The following PRDM5 variants were observed in gnomAD, a reference collection of about 807,000 sequenced individuals.
The protein encoded by PRDM5 is PR domain zinc finger protein 5.
In PRDM5, 56 loss-of-function variants were observed where a neutral mutation model predicts 81.2. The observed-to-expected ratio is 0.69, with a 90% CI of 0.56 to 0.86. The LOEUF (loss-of-function observed/expected upper bound fraction) is 0.86, where lower values mean the gene tolerates loss of function less well. Ranked by LOEUF, PRDM5 falls within the 40% of genes least tolerant of loss-of-function variation. PRDM5 has a pLI of 0.00. For synonymous variants in PRDM5, 267 were observed against 256.4 expected, an observed-to-expected ratio of 1.04 and a Z score of -0.39; for missense variants, 697 against 770.1, an observed-to-expected ratio of 0.91 and a Z score of 1.12.
At chr4:120,864,953 T>C (rs1013597772) in intron 2 of PRDM5, among the ~76,000 whole-genome samples, 1 of 152,122 alleles carries the variant, frequency 6.6e-6, no homozygotes, top group African/African-American at 2.4e-5. Context: ...CATAGGAATA[T>C]CTCCCTGCTA....
chr4:120,814,133 A>C (rs1488224329), intron 7 of PRDM5, among the ~76,000 whole-genome samples: 1 of 152,178 alleles, frequency 6.6e-6, no homozygotes, highest in Non-Finnish European at 1.5e-5. Flanking sequence ...CCATTAATGC[A>C]AAGTCTCTTT....
chr4:120,699,377 C>T (rs982794953), intron 15 of PRDM5, among the ~76,000 whole-genome samples: 1 of 151,574 alleles, frequency 6.6e-6, no homozygotes, highest in African/African-American at 2.4e-5. Context: ...GTACAGGCTT[C>T]TTTTAGCAAC....
intron 2 of PRDM5, among the ~76,000 whole-genome samples, chr4:120,899,733 C>T (rs1054162172): frequency 6.6e-6 from 1 of 152,150 alleles, no homozygotes; most frequent in Non-Finnish European, 1.5e-5. Context: ...CTTATATTAT[C>T]TATCTGGAGA....
At chr4:120,724,935 A>G (rs1233206212) in intron 14 of PRDM5, among the ~76,000 whole-genome samples, 2 of 152,178 alleles carry the variant, frequency 1.3e-5, no homozygotes, top group Admixed American at 6.6e-5. Flanking sequence ...GCACAGATGC[A>G]AGGAGGTAGT....
chr4:120,789,679 G>C (rs190196744), intron 10 of PRDM5, among the ~76,000 whole-genome samples: 30 of 152,206 alleles, frequency 2.0e-4, no homozygotes, highest in African/African-American at 6.7e-4. Flanking sequence ...CATGTCATCT[G>C]GATGTTTACA....
chr4:120,840,081 C>T (rs746224004), intron 3 of PRDM5, among the ~76,000 whole-genome samples: 18 of 152,204 alleles, frequency 1.2e-4, no homozygotes, highest in East Asian at 5.8e-4. Context: ...GGGTCCACAG[C>T]GCCAACTTGG....
In PRDM5 at chr4:120,694,584, T is replaced by C. The variant is rs576150612; in HGVS notation, c.*527A>G. The C allele has an allele frequency of 3.9e-5, 6 of 155,820 alleles. No homozygotes were observed. Among genetic ancestry groups the C allele is most frequent in the Non-Finnish European group, 7.1e-5 (5 of 70,258 alleles). 9.7% of individuals were successfully genotyped at this position (155,820 alleles called of 1,614,324 possible). On this transcript the variant is annotated 3_prime_UTR_variant, in exon 16 of 16. Transcript: ENST00000264808. ...GTCTTATAAAATAGCAACTATTTAT[T>C]TTCCTATCAAACTTGAGACTTTGAT...
chr4:120,799,796 T>TAC, intron 8 of PRDM5, 51 bp from the exon 9 acceptor site: 1 of 1,591,190 alleles, frequency 6.3e-7, no homozygotes, highest in Non-Finnish European at 8.6e-7. Context: ...CCTAGTAAAT[T>TAC]ACACAGCTCT....
At chr4:120,686,162 A>T (rs571536830) in intron 1 of PRDM5, among the ~76,000 whole-genome samples, 199 of 152,130 alleles carry the variant, frequency 1.3e-3, no homozygotes, top group African/African-American at 4.5e-3. Context: ...AGATGCTAAT[A>T]CCATGCTTCC....
intron 1 of PRDM5, among the ~76,000 whole-genome samples, chr4:120,685,551 C>G (rs909876226): frequency 6.6e-6 from 1 of 151,986 alleles, no homozygotes; most frequent in South Asian, 2.1e-4. Flanking sequence ...AGGGTGTAAG[C>G]TGGAATGCTG....
At chr4:120,717,594 T>C (rs1737976734) in intron 14 of PRDM5, among the ~76,000 whole-genome samples, 1 of 152,236 alleles carries the variant, frequency 6.6e-6, no homozygotes, top group Non-Finnish European at 1.5e-5. Flanking sequence ...ACTCTGAACA[T>C]GAAGTCTTTA....
At chr4:120,844,301 G>T (rs145646490) in intron 3 of PRDM5, among the ~76,000 whole-genome samples, 1 of 152,114 alleles carries the variant, frequency 6.6e-6, no homozygotes, top group Non-Finnish European at 1.5e-5. Context: ...ACTTACAGGC[G>T]TACTTTGTTT....
intron 14 of PRDM5, among the ~76,000 whole-genome samples, chr4:120,752,512 G>A (rs1744155952): frequency 6.6e-6 from 1 of 152,108 alleles, no homozygotes; most frequent in South Asian, 2.1e-4. Context: ...GAAAACTTCT[G>A]ACAAGGGACC....
chr4:120,691,805 G>A (rs1387683309), downstream of PRDM5: 9 of 151,924 alleles, frequency 5.9e-5, no homozygotes, highest in African/African-American at 2.2e-4. Context: ...GGAGGTAATG[G>A]CAATTACATT....
At chr4:120,761,110 T>A (rs185899206) in intron 13 of PRDM5, among the ~76,000 whole-genome samples, 7 of 152,326 alleles carry the variant, frequency 4.6e-5, no homozygotes, top group Admixed American at 3.3e-4. Flanking sequence ...TTACTCGGCT[T>A]GAAGTAAGTG....
intron 3 of PRDM5, among the ~76,000 whole-genome samples, chr4:120,839,773 T>A (rs1454460613): frequency 1.3e-5 from 2 of 152,160 alleles, no homozygotes; most frequent in Non-Finnish European, 2.9e-5. Flanking sequence ...CCCAGGTGCT[T>A]GTGCCAAGGG....
At chr4:120,919,667 T>C (rs888636456) in intron 1 of PRDM5, among the ~76,000 whole-genome samples, 1 of 152,202 alleles carries the variant, frequency 6.6e-6, no homozygotes, top group African/African-American at 2.4e-5. Flanking sequence ...TTTATGAGTT[T>C]TGAGTAACTA....
intron 1 of PRDM5, 128 bp downstream of exon 1, chr4:120,922,388 T>TGGCCC (rs1725064332): frequency 8.8e-7 from 1 of 1,132,946 alleles, no homozygotes; most frequent in African/African-American, 1.7e-5. Flanking sequence ...CACGGACGCC[T>TGGCCC]GGCCCGGCCC....
At chr4:120,854,984 G>C (rs1759710698) in intron 2 of PRDM5, among the ~76,000 whole-genome samples, 1 of 152,092 alleles carries the variant, frequency 6.6e-6, no homozygotes, top group Admixed American at 6.6e-5. Flanking sequence ...CCGAGAAAGT[G>C]GTGGGCATTG....
Sources: gnomAD v4.1 joint callset for allele counts (sites outside exome capture counted in the v4.1 genomes callset) on GRCh38, gnomAD v4.1.1 for gene constraint, MANE v1.5 for transcripts, NCBI Gene and HGNC (gene_info 2026-07-23, HGNC 2026-07-21) for gene names.